SRGAP3: variants seen among roughly 807,000 people sequenced by gnomAD.
SRGAP3 encodes SLIT-ROBO Rho GTPase-activating protein 3.
SRGAP3 carries 39 observed loss-of-function variants against 121.1 expected under a neutral mutation model. The observed-to-expected ratio is 0.32, with a 90% CI of 0.25 to 0.42. The LOEUF (loss-of-function observed/expected upper bound fraction) is 0.42, where lower values mean the gene tolerates loss of function less well. Ranked by LOEUF, SRGAP3 falls within the 10% of genes least tolerant of loss-of-function variation. The pLI is 1.00. For synonymous variants in SRGAP3, 601 were observed against 570.0 expected, an observed-to-expected ratio of 1.05 and a Z score of -0.77; for missense variants, 1,213 against 1,470.6, an observed-to-expected ratio of 0.82 and a Z score of 2.86.
At chr3:9,352,048 G>C (rs1022466857) in intron 1 of SRGAP3, among the ~76,000 whole-genome samples, 2 of 152,122 alleles carry the variant, frequency 1.3e-5, no homozygotes, top group Non-Finnish European at 2.9e-5. Context: ...CCAATTAAGA[G>C]AGACTGGTGA....
intron 3 of SRGAP3, among the ~76,000 whole-genome samples, chr3:9,258,273 A>T (rs1402523427): frequency 6.6e-6 from 1 of 152,166 alleles, no homozygotes; most frequent in Non-Finnish European, 1.5e-5. Flanking sequence ...AGCTGGAGAG[A>T]ACCCACCCAA....
chr3:9,006,626 G>A (rs1157254516), intron 18 of SRGAP3, among the ~76,000 whole-genome samples: 2 of 152,244 alleles, frequency 1.3e-5, no homozygotes, highest in East Asian at 1.9e-4. Flanking sequence ...ACAGGGGGAG[G>A]AGTCAAAGGT....
At chr3:9,308,637 G>A (rs571369202) in intron 3 of SRGAP3, among the ~76,000 whole-genome samples, 6 of 152,288 alleles carry the variant, frequency 3.9e-5, no homozygotes, top group Admixed American at 1.3e-4. Context: ...TATTCAGCTT[G>A]GGAACTTATG....
chr3:9,191,161 C>G (rs1951742898), intron 1 of SRGAP3, among the ~76,000 whole-genome samples: 1 of 152,162 alleles, frequency 6.6e-6, no homozygotes, highest in Non-Finnish European at 1.5e-5. Flanking sequence ...CCCTCATTCA[C>G]CACTTTAGAG....
At chr3:9,146,447 G>T (rs1335661038) in intron 1 of SRGAP3, among the ~76,000 whole-genome samples, 4 of 152,188 alleles carry the variant, frequency 2.6e-5, no homozygotes, top group Non-Finnish European at 4.4e-5. Context: ...GGTAACCCCA[G>T]CATCAATTTC....
chr3:9,325,418 T>C (rs755815391), intron 3 of SRGAP3, among the ~76,000 whole-genome samples: 6 of 151,954 alleles, frequency 3.9e-5, no homozygotes, highest in Non-Finnish European at 8.8e-5. Flanking sequence ...TATTTCTCCA[T>C]AGGCCACAAG....
chr3:9,359,560 G>C (rs2030690013), intron 1 of SRGAP3, among the ~76,000 whole-genome samples: 1 of 152,208 alleles, frequency 6.6e-6, no homozygotes, highest in African/African-American at 2.4e-5. Context: ...TGTCTATTCA[G>C]ATGCCTCTTG....
At chr3:9,303,851 G>C (rs1955110258) in intron 3 of SRGAP3, among the ~76,000 whole-genome samples, 1 of 152,136 alleles carries the variant, frequency 6.6e-6, no homozygotes, top group Admixed American at 6.5e-5. Context: ...GGAAACTGAA[G>C]ACCACTCAGT....
chr3:9,246,896 T>C (rs1480270614), intron 1 of SRGAP3, among the ~76,000 whole-genome samples: 1 of 152,170 alleles, frequency 6.6e-6, no homozygotes, highest in Non-Finnish European at 1.5e-5. Flanking sequence ...TGGTAATTGG[T>C]GTATTTCTGA....
At chr3:9,047,170 CAAA>C in intron 10 of SRGAP3, among the ~76,000 whole-genome samples, 1 of 152,084 alleles carries the variant, frequency 6.6e-6, no homozygotes, top group East Asian at 1.9e-4. Flanking sequence ...TTCTATTAAT[CAAA>C]AAGCAACTCA....
chr3:9,229,599 C>T (rs1275302110), intron 1 of SRGAP3, among the ~76,000 whole-genome samples: 7 of 152,218 alleles, frequency 4.6e-5, no homozygotes, highest in African/African-American at 7.2e-5. Context: ...TCGCTAGAAT[C>T]TCTTGGGGAG....
At chr3:9,197,671 C>T (rs2125151184) in intron 1 of SRGAP3, among the ~76,000 whole-genome samples, 1 of 152,326 alleles carries the variant, frequency 6.6e-6, no homozygotes, top group East Asian at 1.9e-4. Flanking sequence ...AACCCAGATC[C>T]TGTGATCCCA....
At chr3:9,136,232 C>T (rs1221040566) in intron 1 of SRGAP3, among the ~76,000 whole-genome samples, 1 of 152,246 alleles carries the variant, frequency 6.6e-6, no homozygotes, top group Admixed American at 6.5e-5. Flanking sequence ...ACACGGGCTC[C>T]CCATTGCCGC....
At chr3:9,185,560 C>T (rs557486167) in intron 1 of SRGAP3, among the ~76,000 whole-genome samples, 1 of 151,352 alleles carries the variant, frequency 6.6e-6, no homozygotes, top group East Asian at 1.9e-4. Flanking sequence ...GAGACAAGGT[C>T]TCACTCTGTC....
intron 1 of SRGAP3, among the ~76,000 whole-genome samples, chr3:9,245,868 G>C (rs945339726): frequency 6.6e-6 from 1 of 152,176 alleles, no homozygotes; most frequent in African/African-American, 2.4e-5. Context: ...AGATTGCAGT[G>C]AGTCAAGATG....
chr3:9,103,215 G>T (rs908801799), intron 3 of SRGAP3, among the ~76,000 whole-genome samples: 3 of 152,198 alleles, frequency 2.0e-5, no homozygotes, highest in African/African-American at 7.2e-5. Context: ...ATGGAGAGAT[G>T]ATTATATTTT....
At chr3:9,206,400 C>G (rs372756315) in intron 1 of SRGAP3, among the ~76,000 whole-genome samples, 5 of 152,190 alleles carry the variant, frequency 3.3e-5, no homozygotes, top group African/African-American at 1.2e-4. Context: ...CCCATGTTTT[C>G]AATATGGCTT....
chr3:9,180,383 G>A (rs1363598908), intron 1 of SRGAP3, among the ~76,000 whole-genome samples: 2 of 152,230 alleles, frequency 1.3e-5, no homozygotes, highest in African/African-American at 2.4e-5. Flanking sequence ...AGTGAGGCTA[G>A]GAGGAAGTTA....
intron 3 of SRGAP3, among the ~76,000 whole-genome samples, chr3:9,085,830 G>T (rs752580383): frequency 6.6e-6 from 1 of 152,102 alleles, no homozygotes; most frequent in Non-Finnish European, 1.5e-5. Context: ...GTGGGAGGAG[G>T]GAGAGGATCA....
Sources: allele counts gnomAD v4.1 joint callset (sites outside exome capture counted in the v4.1 genomes callset), GRCh38; gene constraint gnomAD v4.1.1; transcripts MANE v1.5; gene names NCBI Gene and HGNC (gene_info 2026-07-23, HGNC 2026-07-21).